Variants in NCAM1 observed in about 807,000 individuals in gnomAD.
The protein encoded by NCAM1 is antigen recognized by monoclonal antibody 5.1H11.
In NCAM1, 14 loss-of-function variants were observed where a neutral mutation model predicts 109.8. That is an observed-to-expected ratio of 0.13 (90% confidence interval 0.08 to 0.20). NCAM1 has a LOEUF of 0.20. NCAM1 is among the 10% of genes least tolerant of loss of function. NCAM1 has a pLI of 1.00. For missense variants in NCAM1, 774 were observed against 1,109.9 expected (o/e 0.70, Z 4.30); for synonymous variants, 418 against 442.9 (o/e 0.94, Z 0.70).
chr11:113,074,057 G>T (rs1960085), intron 1 of NCAM1, among the ~76,000 whole-genome samples: 15 of 152,182 alleles, frequency 9.9e-5, no homozygotes, highest in African/African-American at 3.4e-4. Context: ...CGGTGTGGAA[G>T]TAATAATAGT....
At chr11:113,010,924 T>C (rs567087751) in intron 1 of NCAM1, among the ~76,000 whole-genome samples, 5 of 152,108 alleles carry the variant, frequency 3.3e-5, no homozygotes, top group Non-Finnish European at 5.9e-5. Context: ...GGATTCATCA[T>C]TGGGGGAGGC....
chr11:113,168,809 T>G (rs1348586997), intron 1 of NCAM1, among the ~76,000 whole-genome samples: 1 of 152,156 alleles, frequency 6.6e-6, no homozygotes, highest in Non-Finnish European at 1.5e-5. Context: ...TTTTAATCAA[T>G]GGGAAATGTT....
chr11:113,009,736 G>A (rs1951996928), intron 1 of NCAM1, among the ~76,000 whole-genome samples: 1 of 152,200 alleles, frequency 6.6e-6, no homozygotes, highest in African/African-American at 2.4e-5. Flanking sequence ...ATGAGATCAG[G>A]GTCTTACAGA....
At chr11:113,106,401 A>C (rs1366588482) in intron 1 of NCAM1, among the ~76,000 whole-genome samples, 1 of 152,206 alleles carries the variant, frequency 6.6e-6, no homozygotes, top group Non-Finnish European at 1.5e-5. Flanking sequence ...CTAACAGTTG[A>C]TGACATAAAA....
intron 1 of NCAM1, among the ~76,000 whole-genome samples, chr11:113,171,217 G>A (rs1262297392): frequency 1.3e-5 from 2 of 152,202 alleles, no homozygotes; most frequent in Admixed American, 6.5e-5. Context: ...TTGTGCCAAA[G>A]CATACAGCTC....
At chr11:113,148,017 TATC>T (rs1481606057) in intron 1 of NCAM1, among the ~76,000 whole-genome samples, 13 of 152,348 alleles carry the variant, frequency 8.5e-5, no homozygotes, top group Admixed American at 8.5e-4. Context: ...GCTCTACAAA[TATC>T]ATGTCTTACA....
At chr11:113,207,150 A>C in intron 5 of NCAM1, 111 bp from the exon 6 acceptor site, 1 of 742,086 alleles carries the variant, frequency 1.3e-6, no homozygotes, top group Non-Finnish European at 2.3e-6. Context: ...GCTGCACACG[A>C]CGTTTGTCCC....
intron 14 of NCAM1, among the ~76,000 whole-genome samples, chr11:113,240,147 G>A (rs537543213): frequency 1.4e-4 from 21 of 152,240 alleles, no homozygotes; most frequent in African/African-American, 4.3e-4. Context: ...TGGCTCTTAC[G>A]TAGCAGCCTC....
At chr11:113,054,441 TC>T (rs1386500836) in intron 1 of NCAM1, among the ~76,000 whole-genome samples, 1 of 152,200 alleles carries the variant, frequency 6.6e-6, no homozygotes, top group African/African-American at 2.4e-5. Context: ...GGTCCTCCCC[TC>T]GAGGAAGGAT....
At chr11:113,076,548 G>T (rs1938533409) in intron 1 of NCAM1, among the ~76,000 whole-genome samples, 1 of 152,170 alleles carries the variant, frequency 6.6e-6, no homozygotes, top group South Asian at 2.1e-4. Context: ...GTTAGAATCT[G>T]CCCCAACTAA....
chr11:113,181,260 C>A (rs1388085520), intron 1 of NCAM1, among the ~76,000 whole-genome samples: 1 of 152,200 alleles, frequency 6.6e-6, no homozygotes, highest in East Asian at 1.9e-4. Flanking sequence ...TGGTTCCAAG[C>A]TGCCCACTCT....
Position 112,962,956 on chromosome 11 carries a change from C to T in NCAM1, c.52+1292C>T, listed in dbSNP as rs976374510. Among the ~76,000 whole-genome samples, 2 of 151,908 alleles carry T rather than the reference C, an allele frequency of 1.3e-5. No homozygotes were observed. Among genetic ancestry groups the T allele is most frequent in the African/African-American group, 2.4e-5 (1 of 41,366 alleles). ...CAGCTCCAGGTACCGTTGTACCTGCCCTGGACGGCCGACCCCCGGTTGGGG... is the reference window on the plus strand; with the variant it reads ...CAGCTCCAGGTACCGTTGTACCTGCTCTGGACGGCCGACCCCCGGTTGGGG... On this transcript the variant is annotated intron_variant, in intron 1 of 19. Coordinates refer to ENST00000316851, the MANE Select transcript of NCAM1 (RefSeq NM_181351.5). This position sits in a 1 kb window ranked among gnomAD's most constrained non-coding sequence, Gnocchi z 5.6.
chr11:113,199,039 C>T (rs561492904), intron 1 of NCAM1, among the ~76,000 whole-genome samples: 21 of 152,246 alleles, frequency 1.4e-4, no homozygotes, highest in Admixed American at 7.8e-4. Flanking sequence ...CTGTTGGAAG[C>T]GCCTCTTGTC....
intron 1 of NCAM1, among the ~76,000 whole-genome samples, chr11:113,164,721 C>T (rs1056422409): frequency 6.6e-6 from 1 of 152,168 alleles, no homozygotes; most frequent in African/African-American, 2.4e-5. Flanking sequence ...GCACCATCCT[C>T]CCAGAACCTT....
intron 14 of NCAM1, among the ~76,000 whole-genome samples, chr11:113,236,914 C>T (rs1811404): frequency 1.5e-4 from 23 of 152,266 alleles, no homozygotes; most frequent in Admixed American, 7.8e-4. Flanking sequence ...ACTTTGGTTC[C>T]GAGCCATGGG....
chr11:113,241,036 G>A (rs1232169110), intron 14 of NCAM1, among the ~76,000 whole-genome samples: 2 of 152,200 alleles, frequency 1.3e-5, no homozygotes, highest in African/African-American at 4.8e-5. Flanking sequence ...CTGAAGGAGA[G>A]GCGAGGGAAA....
At chr11:112,961,884 C>T (rs569334202) in intron 1 of NCAM1, among the ~76,000 whole-genome samples, 2 of 152,226 alleles carry the variant, frequency 1.3e-5, no homozygotes, top group East Asian at 3.9e-4. Context: ...CCGCCAGCGC[C>T]CGGCGCCCCT....
At chr11:113,168,431 C>G (rs570180896) in intron 1 of NCAM1, among the ~76,000 whole-genome samples, 1 of 152,266 alleles carries the variant, frequency 6.6e-6, no homozygotes, top group East Asian at 1.9e-4. Flanking sequence ...CTAGCTTGCA[C>G]GGTCGTGACT....
chr11:113,134,926 G>A (rs1434664149), intron 1 of NCAM1, among the ~76,000 whole-genome samples: 4 of 152,022 alleles, frequency 2.6e-5, no homozygotes, highest in African/African-American at 7.2e-5. Context: ...AGTAGCAGAC[G>A]GTTCCTGTTT....
Sources: allele counts gnomAD v4.1 joint callset (sites outside exome capture counted in the v4.1 genomes callset), GRCh38; gene constraint gnomAD v4.1.1; non-coding constraint Gnocchi (gnomAD v3.1); transcripts MANE v1.5; gene names NCBI Gene and HGNC (gene_info 2026-07-23, HGNC 2026-07-21).